Variants in NUSAP1 observed in about 807,000 individuals in gnomAD.
NUSAP1 encodes the protein nucleolar and spindle-associated protein 1.
A neutral mutation model predicts 52.8 loss-of-function variants in NUSAP1; 32 were observed. That is an observed-to-expected ratio of 0.61 (90% CI 0.46 to 0.81). NUSAP1 has a LOEUF of 0.81. NUSAP1 is among the 40% of genes least tolerant of loss of function. NUSAP1 has a pLI of 0.00. For synonymous variants in NUSAP1, 195 were observed against 183.1 expected (o/e 1.06, Z -0.52); for missense variants, 499 against 522.3 (o/e 0.96, Z 0.43).
At chr15:41,344,679 G>T (rs1452305390) in intron 2 of NUSAP1, among the ~76,000 whole-genome samples, 1 of 151,498 alleles carries the variant, frequency 6.6e-6, no homozygotes, top group Non-Finnish European at 1.5e-5. Context: ...AGTGGCTCAC[G>T]TCTGTAATAC....
At chr15:41,339,206 T>C (rs1010883610) in intron 1 of NUSAP1, among the ~76,000 whole-genome samples, 1 of 152,160 alleles carries the variant, frequency 6.6e-6, no homozygotes, top group Non-Finnish European at 1.5e-5. Flanking sequence ...CACTAATGCA[T>C]TAGAGGATCA....
intron 6 of NUSAP1, among the ~76,000 whole-genome samples, chr15:41,362,586 G>C (rs1288723721): frequency 6.6e-6 from 1 of 150,874 alleles, no homozygotes. Flanking sequence ...CACCACACCC[G>C]GCTAATTTTT....
chr15:41,356,393 C>T lies in NUSAP1; in HGVS notation c.550+253C>T, dbSNP rs376064582. 2.1e-3 allele frequency among the ~76,000 whole-genome samples: 268 copies of T among 126,446 alleles called. 1 individual carries two copies. Among genetic ancestry groups the T allele is most frequent in the African/African-American group, 7.9e-3 (253 of 32,208 alleles). The allele number at this position is 126,446 out of a possible 152,430, so 83.0% of individuals were successfully genotyped here. On this transcript the variant is annotated intron_variant, in intron 5 of 10. Coordinates refer to ENST00000559596, the MANE Select transcript of NUSAP1 (RefSeq NM_016359.5). The stretch of plus-strand genomic sequence containing the variant: ...TTTTTGAGACAGAGTCTTGCTCTGT[C>T]ACCCAGGCTAGAGTGCAGTAGCGTG...
intron 1 of NUSAP1, among the ~76,000 whole-genome samples, chr15:41,337,869 C>A (rs961541934): frequency 6.6e-6 from 1 of 151,528 alleles, no homozygotes; most frequent in Admixed American, 6.6e-5. Flanking sequence ...GTTGTCTTTT[C>A]TCTAACTATG....
intron 6 of NUSAP1, among the ~76,000 whole-genome samples, chr15:41,361,559 GAA>G (rs899043640): frequency 1.3e-5 from 2 of 150,278 alleles, no homozygotes; most frequent in Non-Finnish European, 3.0e-5. Context: ...CATCTCTAAA[GAA>G]AAAAAAAGAG....
At chr15:41,342,594 T>G in intron 2 of NUSAP1, 140 bp downstream of exon 2, 2 of 635,316 alleles carry the variant, frequency 3.1e-6, no homozygotes, top group Non-Finnish European at 5.3e-6. Context: ...TCCTAGCACT[T>G]TGGTAGGCAG....
At chr15:41,336,737 C>G (rs1462194545) in intron 1 of NUSAP1, among the ~76,000 whole-genome samples, 1 of 148,178 alleles carries the variant, frequency 6.7e-6, no homozygotes, top group Non-Finnish European at 1.5e-5. Flanking sequence ...GCCTCAACCT[C>G]TCAGGTTCAA....
At chr15:41,370,478 C>T (rs185924014) in intron 7 of NUSAP1, among the ~76,000 whole-genome samples, 17 of 152,008 alleles carry the variant, frequency 1.1e-4, no homozygotes, top group African/African-American at 3.1e-4. Context: ...TAGCTGGGCG[C>T]GGTGGCTCAT....
intron 7 of NUSAP1, 54 bp downstream of exon 7, chr15:41,365,643 T>G: frequency 7.4e-7 from 1 of 1,346,168 alleles, no homozygotes; most frequent in Non-Finnish European, 9.9e-7. Flanking sequence ...ATGGACTATA[T>G]AAAAAAAAAA....
chr15:41,362,867 G>A (rs1004500282), intron 6 of NUSAP1, among the ~76,000 whole-genome samples: 1 of 152,108 alleles, frequency 6.6e-6, no homozygotes, highest in African/African-American at 2.4e-5. Flanking sequence ...CAGCTACTCA[G>A]GAGGCTGAGG....
At position 41,336,648 on chromosome 15, in the gene NUSAP1, G is replaced by GTTTTTTTTTTTTTT. The variant is rs75426159; in HGVS notation, c.93+3606_93+3619dup. On this transcript the variant is annotated intron_variant, in intron 1 of 10. Transcript: ENST00000559596. ...TGGGCATTTGATCCTCCTCCTTTTG[G>GTTTTTTTTTTTTTT]TTTTTTTTTTTTTTTTTTTTTGAGA... Among the ~76,000 whole-genome samples the GTTTTTTTTTTTTTT allele has an allele frequency of 1.5e-3, 138 of 91,334 alleles. 8 individuals are homozygous for GTTTTTTTTTTTTTT. Among genetic ancestry groups the GTTTTTTTTTTTTTT allele is most frequent in the African/African-American group, 5.3e-3 (132 of 24,944 alleles). 59.9% of individuals were successfully genotyped at this position (91,334 alleles called of 152,430 possible). A position where few individuals can be genotyped will look rare whatever the true frequency, so the allele number is the denominator to read the frequency against.
intron 7 of NUSAP1, among the ~76,000 whole-genome samples, chr15:41,370,700 A>C (rs1250631307): frequency 3.3e-5 from 5 of 149,482 alleles, no homozygotes; most frequent in Non-Finnish European, 5.9e-5. Context: ...CAGTGACCCA[A>C]CATCGCACCA....
At chr15:41,353,200 G>C (rs1028794591) in intron 4 of NUSAP1, among the ~76,000 whole-genome samples, 19 of 152,112 alleles carry the variant, frequency 1.2e-4, no homozygotes, top group Admixed American at 2.6e-4. Flanking sequence ...GCCCAGGCGG[G>C]AGTACAGTGA....
chr15:41,363,284 TAAAA>T (rs751252600), intron 6 of NUSAP1, among the ~76,000 whole-genome samples: 1 of 113,976 alleles, frequency 8.8e-6, no homozygotes, highest in Non-Finnish European at 1.8e-5. Flanking sequence ...AGTCTCCATC[TAAAA>T]AAAAAAAAAA....
At chr15:41,345,468 C>T (rs1391670768) in intron 2 of NUSAP1, 2 of 355,696 alleles carry the variant, frequency 5.6e-6, no homozygotes, top group East Asian at 8.8e-5. Context: ...TTTTTTCTTT[C>T]TTTTTTTTTT....
intron 2 of NUSAP1, among the ~76,000 whole-genome samples, chr15:41,345,253 G>A (rs1045155286): frequency 3.3e-5 from 5 of 152,066 alleles, no homozygotes; most frequent in African/African-American, 1.2e-4. Flanking sequence ...GCCTACCTCT[G>A]CCTCCCAAAG....
At chr15:41,363,190 C>A (rs928714669) in intron 6 of NUSAP1, among the ~76,000 whole-genome samples, 8 of 150,648 alleles carry the variant, frequency 5.3e-5, no homozygotes, top group Admixed American at 4.6e-4. Context: ...TGGGTGCTGA[C>A]CAGGAGAATT....
chr15:41,379,924 A>G (rs757722924), intron 10 of NUSAP1, among the ~76,000 whole-genome samples, 169 bp from the exon 11 acceptor site: 4 of 152,154 alleles, frequency 2.6e-5, no homozygotes, highest in Non-Finnish European at 5.9e-5. Flanking sequence ...ACAATGACGA[A>G]CAGGTGTTAG....
chr15:41,363,247 T>C (rs887427385), intron 6 of NUSAP1, among the ~76,000 whole-genome samples: 6 of 148,808 alleles, frequency 4.0e-5, no homozygotes, highest in East Asian at 2.0e-4. Context: ...TATCACGCCA[T>C]TGCACTCCAG....
Sources: gnomAD v4.1 joint callset for allele counts (sites outside exome capture counted in the v4.1 genomes callset) on GRCh38, gnomAD v4.1.1 for gene constraint, MANE v1.5 for transcripts, NCBI Gene and HGNC (gene_info 2026-07-23, HGNC 2026-07-21) for gene names.